The following MACROD2 variants were observed in gnomAD, a reference collection of about 807,000 sequenced individuals.
MACROD2 encodes the protein ADP-ribose glycohydrolase MACROD2.
Under a neutral mutation model 70.4 loss-of-function variants are expected in MACROD2, and 36 were observed. The observed-to-expected ratio is 0.51, with a 90% CI of 0.39 to 0.68. MACROD2 has a LOEUF of 0.68. Among genes scored for constraint, MACROD2 ranks in the 30% least tolerant of loss-of-function variants. The pLI, the probability that MACROD2 is intolerant of heterozygous loss-of-function variation, is 0.00. For missense variants in MACROD2, 496 were observed against 538.4 expected (o/e 0.92, Z 0.78); for synonymous variants, 172 against 178.8 (o/e 0.96, Z 0.30).
At chr20:15,528,671 C>T (rs759597342) in intron 8 of MACROD2, among the ~76,000 whole-genome samples, 4 of 151,704 alleles carry the variant, frequency 2.6e-5, no homozygotes, top group Non-Finnish European at 4.4e-5. Flanking sequence ...CTTCTGTTTG[C>T]GTTTTTTCAT....
chr20:15,136,758 C>T (rs1193191939), intron 5 of MACROD2, among the ~76,000 whole-genome samples: 3 of 151,960 alleles, frequency 2.0e-5, no homozygotes, highest in South Asian at 4.2e-4. Context: ...AAGAAACTAC[C>T]GTCAGAATGA....
intron 2 of MACROD2, among the ~76,000 whole-genome samples, chr20:14,047,614 A>G (rs1411531645): frequency 6.6e-6 from 1 of 152,064 alleles, no homozygotes; most frequent in East Asian, 1.9e-4. Flanking sequence ...TCTTGTACTC[A>G]TGTGTATATC....
At chr20:14,725,452 A>G (rs1447171556) in intron 5 of MACROD2, among the ~76,000 whole-genome samples, 1 of 152,180 alleles carries the variant, frequency 6.6e-6, no homozygotes, top group Admixed American at 6.5e-5. Context: ...CAAAGGAGAC[A>G]GAGAAGGCAT....
chr20:14,537,854 C>A (rs574859455), intron 4 of MACROD2, among the ~76,000 whole-genome samples: 146 of 152,292 alleles, frequency 9.6e-4, no homozygotes, highest in African/African-American at 3.5e-3. Context: ...TTTAGACAGT[C>A]TTCCTCAGGA....
At chr20:14,138,872 A>G (rs1360877571) in intron 3 of MACROD2, among the ~76,000 whole-genome samples, 1 of 152,140 alleles carries the variant, frequency 6.6e-6, no homozygotes, top group Non-Finnish European at 1.5e-5. Flanking sequence ...ACAATGTAAC[A>G]TATATCTAAA....
Position 14,965,714 on chromosome 20 carries a change from C to T in MACROD2, c.419-264226C>T, listed in dbSNP as rs754742002. 2.6e-5 allele frequency among the ~76,000 whole-genome samples: 4 copies of T among 151,812 alleles called. No individual in the cohort carries two copies. The East Asian group carries it at 5.8e-4, about 22-fold the overall frequency. ...CGATCTCCTGACCTCGTGATCCACCCGTCTCGGCCTTCCAAAGTGCTGGGA... is the reference window on the plus strand; with the variant it reads ...CGATCTCCTGACCTCGTGATCCACCTGTCTCGGCCTTCCAAAGTGCTGGGA... On this transcript the variant is annotated intron_variant, in intron 5 of 17. Transcript: ENST00000684519.
chr20:14,706,980 G>T (rs1340567301), intron 5 of MACROD2, among the ~76,000 whole-genome samples: 1 of 152,160 alleles, frequency 6.6e-6, no homozygotes, highest in Non-Finnish European at 1.5e-5. Flanking sequence ...TTAGATCCAA[G>T]GCAGTAATTC....
intron 3 of MACROD2, among the ~76,000 whole-genome samples, chr20:14,371,005 T>G (rs1356791365): frequency 1.3e-5 from 2 of 152,170 alleles, no homozygotes; most frequent in Admixed American, 1.3e-4. Flanking sequence ...CTTAGGATAT[T>G]AAAATTAAGT....
In MACROD2 at chr20:15,931,452, G is replaced by A. The variant is rs929041321; in HGVS notation, c.776-1824G>A. Among the ~76,000 whole-genome samples the A allele has an allele frequency of 1.3e-5, 2 of 151,934 alleles. 1 individual carries two copies. Among genetic ancestry groups the A allele is most frequent in the African/African-American group, 4.8e-5 (2 of 41,366 alleles). ...AGGCCAGGAGTTCAAAACCAGCCTAGGCAACAAAGCAAGACCCTTTCTCTC... is the reference window on the plus strand; with the variant it reads ...AGGCCAGGAGTTCAAAACCAGCCTAAGCAACAAAGCAAGACCCTTTCTCTC... On this transcript the variant is annotated intron_variant, in intron 10 of 17. Coordinates refer to ENST00000684519, the MANE Select transcript of MACROD2 (RefSeq NM_001351661.2).
At chr20:15,359,270 G>A (rs1341518350) in intron 6 of MACROD2, among the ~76,000 whole-genome samples, 1 of 151,076 alleles carries the variant, frequency 6.6e-6, no homozygotes, top group African/African-American at 2.4e-5. Flanking sequence ...ATGCATTGAT[G>A]ACTTGATCTT....
intron 5 of MACROD2, among the ~76,000 whole-genome samples, chr20:15,006,808 C>T (rs753285441): frequency 6.1e-4 from 93 of 152,284 alleles, no homozygotes; most frequent in Non-Finnish European, 1.0e-3. Context: ...CTCGGGCTGG[C>T]TGCCTACTCT....
intron 5 of MACROD2, among the ~76,000 whole-genome samples, chr20:15,170,556 G>C (rs1231842988): frequency 6.6e-6 from 1 of 152,122 alleles, no homozygotes; most frequent in Non-Finnish European, 1.5e-5. Context: ...GGAGAGTTAG[G>C]ACATGCTGGC....
At chr20:14,686,332 A>T (rs1191939942) in intron 5 of MACROD2, among the ~76,000 whole-genome samples, 1 of 152,198 alleles carries the variant, frequency 6.6e-6, no homozygotes, top group South Asian at 2.1e-4. Flanking sequence ...TGCACCTTAT[A>T]CACATAACAT....
chr20:14,854,380 G>C (rs1014155138), intron 5 of MACROD2, among the ~76,000 whole-genome samples: 13 of 152,128 alleles, frequency 8.5e-5, no homozygotes, highest in Non-Finnish European at 1.9e-4. Context: ...TGTAAGAATA[G>C]TTTTTCTATA....
chr20:15,774,478 T>G (rs2051688047), intron 8 of MACROD2, among the ~76,000 whole-genome samples: 1 of 152,186 alleles, frequency 6.6e-6, no homozygotes, highest in Admixed American at 6.5e-5. Flanking sequence ...ACTGTTTACT[T>G]CTGAACACTT....
intron 5 of MACROD2, among the ~76,000 whole-genome samples, chr20:14,809,744 A>C (rs1253465329): frequency 1.3e-5 from 2 of 152,116 alleles, no homozygotes; most frequent in Admixed American, 6.5e-5. Context: ...AAAAACAATA[A>C]AGGGGATATC....
At chr20:15,186,953 A>G (rs1250159516) in intron 5 of MACROD2, among the ~76,000 whole-genome samples, 3 of 152,218 alleles carry the variant, frequency 2.0e-5, no homozygotes, top group Non-Finnish European at 4.4e-5. Context: ...TAAAATATCT[A>G]TGCCTATTTT....
At chr20:14,433,677 A>G (rs1444725118) in intron 3 of MACROD2, among the ~76,000 whole-genome samples, 1 of 152,178 alleles carries the variant, frequency 6.6e-6, no homozygotes, top group Non-Finnish European at 1.5e-5. Context: ...TATGGCAGCA[A>G]TGCAATGAAA....
chr20:15,459,298 C>A (rs890251295), intron 7 of MACROD2, among the ~76,000 whole-genome samples: 3 of 152,032 alleles, frequency 2.0e-5, no homozygotes, highest in Non-Finnish European at 2.9e-5. Flanking sequence ...CTCCTGCCCC[C>A]TCCCCGCTCT....
Sources: gnomAD v4.1 joint callset for allele counts (sites outside exome capture counted in the v4.1 genomes callset) on GRCh38, gnomAD v4.1.1 for gene constraint, MANE v1.5 for transcripts, NCBI Gene and HGNC (gene_info 2026-07-23, HGNC 2026-07-21) for gene names.